CEP112: variants seen among roughly 807,000 people sequenced by gnomAD.
CEP112 encodes the protein centrosomal protein 112.
CEP112 carries 127 observed loss-of-function variants against 153.0 expected under a neutral mutation model. The observed-to-expected ratio is 0.83, with a 90% CI of 0.72 to 0.96. CEP112 has a LOEUF of 0.96. CEP112 is among the 40% of genes least tolerant of loss of function. The pLI, the probability that CEP112 is intolerant of heterozygous loss-of-function variation, is 0.00. For synonymous variants in CEP112, 358 were observed against 374.4 expected, an observed-to-expected ratio of 0.96 and a Z score of 0.51; for missense variants, 1,089 against 1,101.2, an observed-to-expected ratio of 0.99 and a Z score of 0.16.
intron 18 of CEP112, among the ~76,000 whole-genome samples, chr17:65,932,325 G>A (rs2061155169): frequency 6.6e-6 from 1 of 152,076 alleles, no homozygotes; most frequent in Non-Finnish European, 1.5e-5. Flanking sequence ...CAAACGTACA[G>A]ACATGAAGGT....
chr17:65,934,567 A>C (rs1385471528), intron 18 of CEP112, among the ~76,000 whole-genome samples: 1 of 152,214 alleles, frequency 6.6e-6, no homozygotes, highest in Non-Finnish European at 1.5e-5. Flanking sequence ...ATATAAATGA[A>C]CTAAATTCTC....
At chr17:65,654,776 C>T (rs112055822) in intron 24 of CEP112, 5,014 of 370,296 alleles carry the variant, frequency 0.014, 46 homozygotes, top group Non-Finnish European at 0.019. Flanking sequence ...AGAGGAAAGA[C>T]AGAAAATGGA....
intron 4 of CEP112, 70 bp downstream of exon 4, chr17:66,174,973 GA>G: frequency 9.5e-7 from 1 of 1,051,450 alleles, no homozygotes; most frequent in Non-Finnish European, 1.3e-6. Context: ...AGGAAAAACA[GA>G]ATGTATAAAT....
intron 6 of CEP112, among the ~76,000 whole-genome samples, chr17:66,124,168 A>G (rs950350922): frequency 6.6e-6 from 1 of 152,156 alleles, no homozygotes; most frequent in African/African-American, 2.4e-5. Context: ...TTTGGGGGCT[A>G]TGTTCCACAC....
chr17:65,963,600 C>T (rs2062293713), intron 17 of CEP112, among the ~76,000 whole-genome samples: 1 of 113,260 alleles, frequency 8.8e-6, no homozygotes, highest in South Asian at 5.0e-4. Context: ...CAGCAAGACT[C>T]TCTTGTCCCT....
At chr17:65,647,563 C>T (rs2045509538) in intron 24 of CEP112, among the ~76,000 whole-genome samples, 1 of 148,412 alleles carries the variant, frequency 6.7e-6, no homozygotes, top group South Asian at 2.2e-4. Flanking sequence ...GCAGCCTCAA[C>T]CTCCCGAGGC....
rs1358803256 is a variant in CEP112 at position 66,053,722 on chromosome 17, G to C, written c.1218+14C>G. On this transcript the variant is annotated intron_variant, in intron 12 of 26. Transcript: ENST00000535342. ...ACAGGTTCTAAGATGTCAAGAACAG[G>C]TTTAAAGACTCACTGTGGACTGTGT... 2 of 1,608,066 alleles carry C rather than the reference G, an allele frequency of 1.2e-6. No individual in the cohort carries two copies. Among genetic ancestry groups the C allele is most frequent in the Admixed American group, 1.7e-5 (1 of 59,590 alleles).
intron 21 of CEP112, among the ~76,000 whole-genome samples, chr17:65,782,248 G>A (rs561468694): frequency 1.3e-5 from 2 of 151,992 alleles, no homozygotes; most frequent in African/African-American, 4.8e-5. Context: ...GAAAAAAAAT[G>A]CCCCATATTA....
Position 66,063,062 on chromosome 17 carries a change from G to T in CEP112, c.975C>A (p.Asp325Glu). 6.3e-7 allele frequency: 1 copy of T among 1,582,136 alleles called. No homozygotes were observed. Among genetic ancestry groups the T allele is most frequent in the Non-Finnish European group, 8.6e-7 (1 of 1,165,078 alleles). Reference protein sequence around the residue: ...LEKKVQTLIRDCQVIRETKED... With the variant: ...LEKKVQTLIRECQVIRETKED... ...CTTTAGTCTCTCTGATAACTTGACA[G>T]TCACGTATCAGTGTCTGAACTGTCA... The change falls in exon 11 of 27, where the codon GAC (aspartate) becomes GAA (glutamate). Residue 325 changes from aspartate to glutamate, a missense_variant. Physicochemically the swap from Asp to Glu is conservative, Grantham distance 45. Transcript: ENST00000535342.
At chr17:65,671,999 A>G (rs1351985332) in intron 24 of CEP112, among the ~76,000 whole-genome samples, 1 of 152,220 alleles carries the variant, frequency 6.6e-6, no homozygotes, top group Non-Finnish European at 1.5e-5. Flanking sequence ...AGGAAGATAC[A>G]AACATTAAAT....
intron 20 of CEP112, among the ~76,000 whole-genome samples, chr17:65,892,366 A>G (rs2059497129): frequency 6.6e-6 from 1 of 152,182 alleles, no homozygotes; most frequent in Non-Finnish European, 1.5e-5. Flanking sequence ...ACAGAGTTCC[A>G]TGTTTTTCTA....
At chr17:65,861,904 A>T (rs1568130648) in intron 20 of CEP112, among the ~76,000 whole-genome samples, 1 of 152,258 alleles carries the variant, frequency 6.6e-6, no homozygotes, top group Non-Finnish European at 1.5e-5. Context: ...AACACCAGGC[A>T]CATGCCCAAT....
intron 21 of CEP112, among the ~76,000 whole-genome samples, chr17:65,837,415 G>A (rs1045976252): frequency 2.0e-4 from 30 of 151,652 alleles, no homozygotes; most frequent in East Asian, 1.4e-3. Flanking sequence ...CTGCCCCGCC[G>A]CCCCATCTGA....
intron 8 of CEP112, among the ~76,000 whole-genome samples, chr17:66,076,669 C>T (rs975167831): frequency 6.6e-6 from 1 of 152,176 alleles, no homozygotes; most frequent in Non-Finnish European, 1.5e-5. Flanking sequence ...AGTTCTAGGG[C>T]CACGTCCACC....
chr17:65,971,670 T>G (rs1044442603), intron 17 of CEP112, among the ~76,000 whole-genome samples: 7 of 152,076 alleles, frequency 4.6e-5, no homozygotes, highest in Non-Finnish European at 8.8e-5. Flanking sequence ...GCATGTATGT[T>G]ACATGCATAT....
At chr17:65,934,286 T>C (rs180841128) in intron 18 of CEP112, among the ~76,000 whole-genome samples, 2 of 152,336 alleles carry the variant, frequency 1.3e-5, no homozygotes, top group South Asian at 2.1e-4. Context: ...ACAGTTTTTA[T>C]ATGCAATAAA....
chr17:65,915,005 A>C (rs2060423260), intron 19 of CEP112, among the ~76,000 whole-genome samples: 1 of 152,148 alleles, frequency 6.6e-6, no homozygotes, highest in Non-Finnish European at 1.5e-5. Flanking sequence ...CACCTGAAAC[A>C]AGTGGTTACT....
intron 10 of CEP112, 66 bp from the exon 11 acceptor site, chr17:66,063,147 T>G: frequency 1.6e-6 from 1 of 641,776 alleles, no homozygotes; most frequent in Non-Finnish European, 2.5e-6. Flanking sequence ...GATATAAAAT[T>G]TAGTGCACCA....
intron 18 of CEP112, 51 bp from the exon 19 acceptor site, chr17:65,927,740 C>G (rs768080505): frequency 2.2e-5 from 26 of 1,173,412 alleles, no homozygotes; most frequent in East Asian, 2.8e-5. Flanking sequence ...CAATTGTGTT[C>G]CATGTTTTTG....
Sources: allele counts gnomAD v4.1 joint callset (sites outside exome capture counted in the v4.1 genomes callset), GRCh38; gene constraint gnomAD v4.1.1; transcripts MANE v1.5; gene names NCBI Gene and HGNC (gene_info 2026-07-23, HGNC 2026-07-21).